LAMB1: variants seen among roughly 807,000 people sequenced by gnomAD.
LAMB1 encodes laminin subunit beta-1.
A neutral mutation model predicts 222.3 loss-of-function variants in LAMB1; 121 were observed. The ratio of observed to expected loss-of-function variants is 0.54; its 90% CI spans 0.47 to 0.63. LAMB1 has a LOEUF of 0.63. Ranked by LOEUF, LAMB1 falls within the 30% of genes least tolerant of loss-of-function variation. LAMB1 has a pLI of 0.00. For missense variants in LAMB1, 2,172 were observed against 2,240.8 expected (o/e 0.97, Z 0.62); for synonymous variants, 794 against 807.2 (o/e 0.98, Z 0.28).
intron 14 of LAMB1, 148 bp from the exon 15 acceptor site, chr7:107,963,211 T>G (rs1324118165): frequency 2.8e-6 from 2 of 726,212 alleles, no homozygotes; most frequent in Non-Finnish European, 2.2e-6. Context: ...CCTAATAGAT[T>G]GTAAAAAGTT....
At chr7:107,985,930 C>T in intron 7 of LAMB1, 92 bp downstream of exon 7, 1 of 997,364 alleles carries the variant, frequency 1.0e-6, no homozygotes, top group Non-Finnish European at 1.5e-6. Context: ...GCACTCCAGC[C>T]TGGGCAACAA....
chr7:107,975,920 T>C lies in LAMB1; in HGVS notation c.1001-43A>G, dbSNP rs111506803. On this transcript the variant is annotated intron_variant, in intron 9 of 33. Coordinates refer to ENST00000222399, the MANE Select transcript of LAMB1 (RefSeq NM_002291.3). ...CGTCAAGAAAAGCTTTTTAAATCTA[T>C]GGACCAATGGAGGATGGGGGTGGCA... 1,314 of 1,548,154 alleles carry C rather than the reference T, an allele frequency of 8.5e-4. 10 individuals carry two copies. The African/African-American group carries it at 0.015, about 18-fold the overall frequency.
chr7:107,936,428 T>C (rs2032849165), intron 26 of LAMB1: 1 of 152,106 alleles, frequency 6.6e-6, no homozygotes, highest in Non-Finnish European at 1.5e-5. Context: ...TATAGGAGGA[T>C]ATGCATAGGT....
chr7:107,939,544 A>C (rs1425847494), intron 25 of LAMB1, among the ~76,000 whole-genome samples: 3 of 152,156 alleles, frequency 2.0e-5, no homozygotes, highest in Admixed American at 6.5e-5. Flanking sequence ...TTATATATAA[A>C]TCCTTTCATT....
At position 107,994,859 on chromosome 7, in the gene LAMB1, A is replaced by G. The variant is rs142134711; in HGVS notation, c.423+28T>C. ...ACATTACACAGTGCTCTCATGTGTC[A>G]TTTGTGAGAAAGTCATGGATTTCTT... On this transcript the variant is annotated intron_variant, in intron 5 of 33. Coordinates refer to ENST00000222399, the MANE Select transcript of LAMB1 (RefSeq NM_002291.3). The G allele has an allele frequency of 1.1e-3, 1,501 of 1,347,590 alleles. 11 individuals carry two copies. In the African/African-American group the frequency reaches 0.015, roughly 14 times the overall value. The allele number at this position is 1,347,590 out of a possible 1,614,324, so 83.5% of individuals were successfully genotyped here. A position where few individuals can be genotyped will look rare whatever the true frequency, so the allele number is the denominator to read the frequency against.
chr7:107,930,752 G>T (rs1294657568), intron 29 of LAMB1, among the ~76,000 whole-genome samples: 1 of 152,196 alleles, frequency 6.6e-6, no homozygotes, highest in Non-Finnish European at 1.5e-5. Flanking sequence ...ACCATGAGGA[G>T]CTAGAGGACA....
chr7:107,946,066 T>G (rs1465713339), intron 24 of LAMB1, among the ~76,000 whole-genome samples: 2 of 152,160 alleles, frequency 1.3e-5, no homozygotes, highest in East Asian at 3.9e-4. Flanking sequence ...ATCCTCCTTT[T>G]TGTTGGAAAC....
At chr7:107,932,097 T>C in intron 28 of LAMB1, 77 bp downstream of exon 28, 3 of 1,280,396 alleles carry the variant, frequency 2.3e-6, no homozygotes, top group Non-Finnish European at 3.4e-6. Context: ...TAGAATTGAT[T>C]TCTCCCTTTC....
intron 2 of LAMB1, among the ~76,000 whole-genome samples, chr7:108,002,591 T>A (rs1272774011): frequency 6.6e-6 from 1 of 152,146 alleles, no homozygotes; most frequent in Non-Finnish European, 1.5e-5. Context: ...TGCAAAACCC[T>A]GAGCGGGGGC....
In LAMB1 at chr7:107,955,561, T is replaced by TGGGCAA. The variant is rs754574591; in HGVS notation, c.2754_2759dup (p.Cys919_Pro920dup). On this transcript the variant is annotated inframe_insertion, in exon 21 of 34. Coordinates refer to ENST00000222399, the MANE Select transcript of LAMB1 (RefSeq NM_002291.3). ...ACTGGCGTCCACTGTCGGGACCATC[T>TGGGCAA]GGGCAAGGGCAAGGGCGGCAGTGAT... 15 of 1,614,116 alleles carry TGGGCAA rather than the reference T, an allele frequency of 9.3e-6. No homozygotes were observed. Among genetic ancestry groups the TGGGCAA allele is most frequent in the Non-Finnish European group, 9.3e-6 (11 of 1,180,002 alleles).
chr7:107,996,783 C>T (rs2034289116), intron 4 of LAMB1, among the ~76,000 whole-genome samples: 1 of 152,180 alleles, frequency 6.6e-6, no homozygotes, highest in South Asian at 2.1e-4. Context: ...TAAACTGTTT[C>T]ACTGTCTGCT....
At chr7:107,928,747 C>T (rs540100913) in intron 31 of LAMB1, among the ~76,000 whole-genome samples, 2 of 152,334 alleles carry the variant, frequency 1.3e-5, no homozygotes, top group African/African-American at 4.8e-5. Context: ...CCCACCTCGG[C>T]CTCCCAAAAT....
intron 13 of LAMB1, among the ~76,000 whole-genome samples, chr7:107,965,486 C>T (rs2701031): frequency 3.3e-5 from 5 of 151,876 alleles, no homozygotes; most frequent in Non-Finnish European, 7.4e-5. Flanking sequence ...GGCTGAGGCA[C>T]GAGAATCGCT....
In LAMB1 at chr7:107,964,636, A is replaced by C; in HGVS notation, c.1614T>G (p.Arg538=). The C allele has an allele frequency of 1.2e-6, 2 of 1,614,138 alleles. No individual in the cohort carries two copies. The highest frequency in any genetic ancestry group is 2.2e-5 in the South Asian group (2 of 91,080). The change falls in exon 14 of 34, where the codon CGT becomes CGG. Residue 538 remains arginine (R), a synonymous_variant. Transcript: ENST00000222399. The part of the protein sequence containing the change: ...QCSCRPHMIG[R]QCNEVEPGYY... ...AACCAGGTTCCACTTCGTTGCACTG[A>C]CGTCCAATCATGTGAGGCCGGCATG...
intron 5 of LAMB1, among the ~76,000 whole-genome samples, chr7:107,987,014 C>G (rs1303979360): frequency 2.0e-5 from 3 of 152,198 alleles, no homozygotes; most frequent in Non-Finnish European, 4.4e-5. Flanking sequence ...TTCACCACAG[C>G]AGTATTATTC....
At chr7:107,988,636 A>G (rs918704993) in intron 5 of LAMB1, among the ~76,000 whole-genome samples, 1 of 152,178 alleles carries the variant, frequency 6.6e-6, no homozygotes, top group Non-Finnish European at 1.5e-5. Context: ...ACCTAACTCC[A>G]TACTTCAGGT....
intron 21 of LAMB1, 96 bp from the exon 22 acceptor site, chr7:107,953,850 C>A: frequency 9.6e-7 from 1 of 1,045,166 alleles, no homozygotes; most frequent in Non-Finnish European, 1.5e-6. Flanking sequence ...CTGATCGTGG[C>A]GGTGCTTCAT....
chr7:107,981,274 C>A (rs541622668), intron 7 of LAMB1, among the ~76,000 whole-genome samples: 2 of 152,152 alleles, frequency 1.3e-5, no homozygotes, highest in South Asian at 4.2e-4. Flanking sequence ...ATGGTGAAAC[C>A]CCATCTCTAC....
At chr7:108,001,429 C>T in intron 3 of LAMB1, 129 bp downstream of exon 3, 1 of 1,037,414 alleles carries the variant, frequency 9.6e-7, no homozygotes. Context: ...AGCCTAATCC[C>T]GGGACTCCCC....
Sources: gnomAD v4.1 joint callset for allele counts (sites outside exome capture counted in the v4.1 genomes callset) on GRCh38, gnomAD v4.1.1 for gene constraint, MANE v1.5 for transcripts, NCBI Gene and HGNC (gene_info 2026-07-23, HGNC 2026-07-21) for gene names.